Variants in SMAD4 observed in about 807,000 individuals in gnomAD.
SMAD4 encodes SMAD family member 4, also known as MAD homolog 4.
Under a neutral mutation model 63.2 loss-of-function variants are expected in SMAD4, and 7 were observed. The ratio of observed to expected loss-of-function variants is 0.11; its 90% CI spans 0.06 to 0.21. The LOEUF is 0.21. Among genes scored for constraint, SMAD4 ranks in the 10% least tolerant of loss-of-function variants. The pLI, the probability that SMAD4 is intolerant of heterozygous loss-of-function variation, is 1.00. For synonymous variants in SMAD4, 215 were observed against 235.4 expected, an observed-to-expected ratio of 0.91 and a Z score of 0.79; for missense variants, 312 against 693.8, an observed-to-expected ratio of 0.45 and a Z score of 6.18.
At chr18:51,038,251 T>G (rs2509996) in intron 1 of SMAD4, among the ~76,000 whole-genome samples, 188 of 94,896 alleles carry the variant, frequency 2.0e-3, no homozygotes, top group Middle Eastern at 0.01. Flanking sequence ...AGCGAGACTG[T>G]GGGGGGGGGG....
In SMAD4 at chr18:51,081,380, C is replaced by T. The variant is rs995990930; in HGVS notation, c.*2913C>T. 1 of 229,798 alleles carries T rather than the reference C, an allele frequency of 4.4e-6. No individual in the cohort carries two copies. The highest frequency in any genetic ancestry group is 2.2e-5 in the African/African-American group (1 of 45,124). 14.2% of individuals were successfully genotyped at this position (229,798 alleles called of 1,614,324 possible). ...TCCTTCATGGTGTTGCCTTTATTTT[C>T]CGGGGAGTAGATCGTGGGATATAGT... On this transcript the variant is annotated 3_prime_UTR_variant, in exon 12 of 12. Coordinates refer to ENST00000342988, the MANE Select transcript of SMAD4 (RefSeq NM_005359.6).
rs1909797411 is a variant in SMAD4, at chr18:51,054,858, T to C, written c.532T>C (p.Ser178Pro). ...GCCATCGTTGTCCACTGAAGGACAT[T>C]CAATTCAAACCATCCAGCATCCACC... is the stretch of plus-strand genomic sequence containing the variant. ...GQPSLSTEGH[S>P]IQTIQHPPSN... Residue 178 changes from serine (S) to proline (P), a missense_variant, in exon 5 of 12, where the codon TCA (serine) becomes CCA (proline). Transcript: ENST00000342988. 6.2e-7 allele frequency: 1 copy of C among 1,613,912 alleles called. No homozygotes were observed. Among genetic ancestry groups the C allele is most frequent in the Non-Finnish European group, 8.5e-7 (1 of 1,179,918 alleles).
At chr18:51,041,374 G>A (rs1324109012) in intron 1 of SMAD4, among the ~76,000 whole-genome samples, 5 of 152,170 alleles carry the variant, frequency 3.3e-5, no homozygotes, top group Non-Finnish European at 7.3e-5. Flanking sequence ...GTAGTATTGT[G>A]CTTCTTTGTC....
chr18:51,032,942 T>A (rs1178021663), intron 1 of SMAD4, among the ~76,000 whole-genome samples: 3 of 152,186 alleles, frequency 2.0e-5, no homozygotes, highest in Admixed American at 1.3e-4. Context: ...ATCCAGCGAT[T>A]TTTTTAGAGT....
Position 51,084,985 on chromosome 18 carries a change from C to G in SMAD4, c.*6518C>G. ...GTCTGTGGCTAAAAAATAGTCGAAC[C>G]TTTCTTGAGAACTCTGTAACAAAGT... On this transcript the variant is annotated 3_prime_UTR_variant, in exon 12 of 12. Coordinates refer to ENST00000342988, the MANE Select transcript of SMAD4 (RefSeq NM_005359.6). 1 of 209,308 alleles carries G rather than the reference C, an allele frequency of 4.8e-6. No homozygotes were observed. Among genetic ancestry groups the G allele is most frequent in the Non-Finnish European group, 9.7e-6 (1 of 102,992 alleles). 13.0% of individuals were successfully genotyped at this position (209,308 alleles called of 1,614,324 possible).
intron 1 of SMAD4, among the ~76,000 whole-genome samples, chr18:51,032,725 A>T (rs1322202635): frequency 6.6e-6 from 1 of 152,016 alleles, no homozygotes; most frequent in Non-Finnish European, 1.5e-5. Flanking sequence ...ATCATTAGAC[A>T]CTATTCTAAT....
Position 51,030,338 on chromosome 18 carries a change from C to T in SMAD4, c.-413C>T, listed in dbSNP as rs966602192. The T allele has an allele frequency of 6.6e-6, 1 of 152,510 alleles. No individual in the cohort carries two copies. Among genetic ancestry groups the T allele is most frequent in the Non-Finnish European group, 1.5e-5 (1 of 68,026 alleles). 9.4% of individuals were successfully genotyped at this position (152,510 alleles called of 1,614,324 possible). A position where few individuals can be genotyped will look rare whatever the true frequency, so the allele number is the denominator to read the frequency against. The stretch of plus-strand genomic sequence containing the variant: ...CGCCTTCCCGCTCTCCTCGGGAGGC[C>T]CTTCCTGCTCTCCCCTAGGCTCCGC... On this transcript the variant is annotated 5_prime_UTR_variant, in exon 1 of 12. Coordinates refer to ENST00000342988, the MANE Select transcript of SMAD4 (RefSeq NM_005359.6).
intron 1 of SMAD4, among the ~76,000 whole-genome samples, chr18:51,037,927 T>G (rs1436353712): frequency 2.0e-5 from 3 of 152,158 alleles, no homozygotes; most frequent in Non-Finnish European, 4.4e-5. Flanking sequence ...CACTATGACT[T>G]GCCAGTTTCT....
chr18:51,050,381 TG>T (rs1909673815), intron 4 of SMAD4, among the ~76,000 whole-genome samples: 3 of 145,192 alleles, frequency 2.1e-5, no homozygotes, highest in African/African-American at 7.7e-5. Flanking sequence ...GGGGGGAGGC[TG>T]GGCACGGTGG....
chr18:51,059,249 C>A (rs1156443654), intron 7 of SMAD4, among the ~76,000 whole-genome samples: 1 of 152,140 alleles, frequency 6.6e-6, no homozygotes, highest in African/African-American at 2.4e-5. Flanking sequence ...TTTTTAATGG[C>A]TGCCTAGGCC....
At chr18:51,055,139 G>C (rs980961159) in intron 5 of SMAD4, 146 bp downstream of exon 5, 2 of 698,732 alleles carry the variant, frequency 2.9e-6, no homozygotes, top group East Asian at 2.7e-5. Context: ...TATTAAACAG[G>C]TATGCACAAT....
chr18:51,035,568 C>T (rs1167791298), intron 1 of SMAD4, among the ~76,000 whole-genome samples: 1 of 152,102 alleles, frequency 6.6e-6, no homozygotes, highest in African/African-American at 2.4e-5. Context: ...CTTCTTAGGG[C>T]GTTAATCTAC....
At chr18:51,070,034 T>C (rs1040882082) in intron 10 of SMAD4, among the ~76,000 whole-genome samples, 9 of 152,214 alleles carry the variant, frequency 5.9e-5, no homozygotes, top group African/African-American at 9.6e-5. Flanking sequence ...TTTTCTGTTA[T>C]TTGTATGTGG....
intron 4 of SMAD4, chr18:51,051,382 T>C (rs768362140): frequency 2.2e-6 from 1 of 456,248 alleles, no homozygotes; most frequent in South Asian, 1.5e-5. Context: ...CACAGCTCCT[T>C]CTAGATTTGG....
At chr18:51,056,673 A>G (rs1259384848) in intron 5 of SMAD4, among the ~76,000 whole-genome samples, 2 of 150,652 alleles carry the variant, frequency 1.3e-5, no homozygotes, top group African/African-American at 4.9e-5. Context: ...CAAAAAGTAT[A>G]TTGATGAAAA....
rs1599189815 is a variant in SMAD4 at position 51,058,400 on chromosome 18, A to G, written c.848A>G (p.His283Arg). The change falls in exon 7 of 12, where the codon CAC becomes CGC. Residue 283 changes from histidine to arginine, a missense_variant. By Grantham distance (29) the His-to-Arg change is conservative. Transcript: ENST00000342988. ...TAPYTPNLPHHQNGHLQHHPP... is the reference protein window; with the variant it reads ...TAPYTPNLPHRQNGHLQHHPP... ...CCATACACACCTAATTTGCCTCACC[A>G]CCAAAACGGCCATCTTCAGCACCAC... is the stretch of plus-strand genomic sequence containing the variant. The G allele has an allele frequency of 6.2e-7, 1 of 1,613,366 alleles. No homozygotes were observed. Among genetic ancestry groups the G allele is most frequent in the Non-Finnish European group, 8.5e-7 (1 of 1,179,920 alleles).
intron 11 of SMAD4, 84 bp downstream of exon 11, chr18:51,076,860 C>T (rs1910486200): frequency 1.8e-6 from 2 of 1,103,248 alleles, no homozygotes; most frequent in South Asian, 1.8e-5. Flanking sequence ...TTTCTTTGAG[C>T]AGTAATAGAA....
chr18:51,057,856 G>T (rs191391775), intron 5 of SMAD4, among the ~76,000 whole-genome samples: 1 of 152,144 alleles, frequency 6.6e-6, no homozygotes, highest in South Asian at 2.1e-4. Context: ...GTGGTGTTTT[G>T]CTGGCATTTG....
chr18:51,057,529 T>G, intron 5 of SMAD4, among the ~76,000 whole-genome samples: 1 of 152,182 alleles, frequency 6.6e-6, no homozygotes, highest in East Asian at 1.9e-4. Context: ...GAAAGTAGAC[T>G]GATAGTTTTT....
Sources: allele counts gnomAD v4.1 joint callset (sites outside exome capture counted in the v4.1 genomes callset), GRCh38; gene constraint gnomAD v4.1.1; transcripts MANE v1.5; gene names NCBI Gene and HGNC (gene_info 2026-07-23, HGNC 2026-07-21).